MACROD2: variants seen among roughly 807,000 people sequenced by gnomAD.
The protein encoded by MACROD2 is mono-ADP ribosylhydrolase 2, also known as ADP-ribose glycohydrolase MACROD2.
A neutral mutation model predicts 70.4 loss-of-function variants in MACROD2; 36 were observed. That is an observed-to-expected ratio of 0.51 (90% CI 0.39 to 0.68). MACROD2 has a LOEUF of 0.68. MACROD2 is among the 30% of genes least tolerant of loss of function. The pLI, the probability that MACROD2 is intolerant of heterozygous loss-of-function variation, is 0.00. For missense variants in MACROD2, 496 were observed against 538.4 expected, an observed-to-expected ratio of 0.92 and a Z score of 0.78; for synonymous variants, 172 against 178.8, an observed-to-expected ratio of 0.96 and a Z score of 0.30.
chr20:15,993,160 A>T (rs1045675687), intron 15 of MACROD2, among the ~76,000 whole-genome samples: 8 of 152,100 alleles, frequency 5.3e-5, no homozygotes, highest in Non-Finnish European at 1.5e-5. Flanking sequence ...TACAAGTAAA[A>T]TATTTTATTT....
intron 13 of MACROD2, among the ~76,000 whole-genome samples, chr20:15,986,123 G>GGCCTGGT (rs1427610158): frequency 1.3e-5 from 2 of 152,204 alleles, no homozygotes; most frequent in African/African-American, 2.4e-5. Flanking sequence ...GGCAGGCCCA[G>GGCCTGGT]GCCTGGTTTC....
intron 8 of MACROD2, among the ~76,000 whole-genome samples, chr20:15,842,620 A>C (rs569608944): frequency 1.3e-5 from 2 of 152,072 alleles, no homozygotes; most frequent in South Asian, 4.2e-4. Flanking sequence ...CATCACAAAT[A>C]ATTTGTTTTA....
chr20:15,222,034 C>T (rs946952344), intron 5 of MACROD2, among the ~76,000 whole-genome samples: 1 of 152,050 alleles, frequency 6.6e-6, no homozygotes, highest in Admixed American at 6.6e-5. Context: ...CCCTTTGTAA[C>T]CAAGAACAGT....
In MACROD2 at chr20:15,148,248, G is replaced by C. The variant is rs184207051; in HGVS notation, c.419-81692G>C. ...ATTTTGTGGTAAGGGATGACATTGT[G>C]GGGGGTTGTTAGAAGAAACATTTGT... On this transcript the variant is annotated intron_variant, in intron 5 of 17. Coordinates refer to ENST00000684519, the MANE Select transcript of MACROD2 (RefSeq NM_001351661.2). 2.8e-3 allele frequency among the ~76,000 whole-genome samples: 423 copies of C among 151,974 alleles called. 1 individual carries two copies. Among genetic ancestry groups the C allele is most frequent in the Non-Finnish European group, 5.1e-3 (348 of 67,976 alleles).
chr20:15,887,163 G>A (rs546783734), intron 10 of MACROD2, among the ~76,000 whole-genome samples: 106 of 152,190 alleles, frequency 7.0e-4, no homozygotes, highest in African/African-American at 2.0e-3. Context: ...AGGTTTGATC[G>A]GTGTGGTCCT....
intron 3 of MACROD2, among the ~76,000 whole-genome samples, chr20:14,230,629 GTTTA>G (rs1250170416): frequency 2.9e-4 from 2 of 6,976 alleles, no homozygotes; most frequent in African/African-American, 4.0e-4. Flanking sequence ...TCTCATTCAT[GTTTA>G]TATATATATA....
intron 3 of MACROD2, among the ~76,000 whole-genome samples, chr20:14,328,712 A>C (rs1792479285): frequency 6.6e-6 from 1 of 151,972 alleles, no homozygotes; most frequent in Non-Finnish European, 1.5e-5. Flanking sequence ...TATTCAAGTA[A>C]TCCTATGGCG....
intron 7 of MACROD2, among the ~76,000 whole-genome samples, chr20:15,491,147 C>A (rs1057120173): frequency 3.9e-5 from 6 of 152,170 alleles, no homozygotes; most frequent in Non-Finnish European, 8.8e-5. Flanking sequence ...TTCAAGATTG[C>A]TGTCTTGTCT....
chr20:15,739,905 G>A (rs1383910303), intron 8 of MACROD2, among the ~76,000 whole-genome samples: 1 of 152,200 alleles, frequency 6.6e-6, no homozygotes, highest in Non-Finnish European at 1.5e-5. Context: ...GCATAATAAT[G>A]GCATTACATT....
intron 8 of MACROD2, among the ~76,000 whole-genome samples, chr20:15,517,207 C>T (rs937360155): frequency 2.0e-5 from 3 of 152,142 alleles, no homozygotes; most frequent in Non-Finnish European, 4.4e-5. Flanking sequence ...CTCCAGCCTC[C>T]TTGGCCTCTG....
At chr20:14,785,228 T>G (rs2072353947) in intron 5 of MACROD2, among the ~76,000 whole-genome samples, 1 of 151,862 alleles carries the variant, frequency 6.6e-6, no homozygotes, top group African/African-American at 2.4e-5. Context: ...AGCAATCATT[T>G]TAGGAGTCTG....
chr20:14,435,856 G>A lies in MACROD2; in HGVS notation c.272-57623G>A, dbSNP rs1359741450. On this transcript the variant is annotated intron_variant, in intron 3 of 17. Coordinates refer to ENST00000684519, the MANE Select transcript of MACROD2 (RefSeq NM_001351661.2). ...CAAGTAGCTGGGTCTACTGGTGCCC[G>A]CCACCACACCTGGCTAATTTTTGTA... Among the ~76,000 whole-genome samples the A allele has an allele frequency of 3.3e-5, 5 of 151,990 alleles. No individual in the cohort carries two copies. In the East Asian group the frequency reaches 5.8e-4, roughly 18 times the overall value.
chr20:15,239,396 G>A (rs932974788), intron 6 of MACROD2, among the ~76,000 whole-genome samples: 6 of 152,010 alleles, frequency 3.9e-5, no homozygotes, highest in Non-Finnish European at 8.8e-5. Context: ...TGGAAAACAT[G>A]TCACAGATTG....
chr20:14,218,156 T>C (rs1159063442), intron 3 of MACROD2, among the ~76,000 whole-genome samples: 4 of 152,200 alleles, frequency 2.6e-5, no homozygotes, highest in Non-Finnish European at 1.5e-5. Flanking sequence ...TCTCATTTCT[T>C]AGGTCTATTA....
intron 6 of MACROD2, among the ~76,000 whole-genome samples, chr20:15,267,943 A>C (rs2077311312): frequency 6.6e-6 from 1 of 152,072 alleles, no homozygotes; most frequent in Admixed American, 6.6e-5. Context: ...TGGCCCAATA[A>C]ATTCTGTTTT....
At chr20:14,290,280 A>G (rs1467962729) in intron 3 of MACROD2, among the ~76,000 whole-genome samples, 2 of 152,204 alleles carry the variant, frequency 1.3e-5, no homozygotes, top group African/African-American at 4.8e-5. Flanking sequence ...TGAAAGTTAA[A>G]AAAATTAAAA....
chr20:14,686,585 G>T (rs1332799516), intron 5 of MACROD2, among the ~76,000 whole-genome samples: 1 of 152,090 alleles, frequency 6.6e-6, no homozygotes, highest in Non-Finnish European at 1.5e-5. Flanking sequence ...TTACCATTGT[G>T]TTACAATTAT....
intron 8 of MACROD2, among the ~76,000 whole-genome samples, chr20:15,651,393 A>G (rs1345280040): frequency 1.3e-5 from 2 of 152,148 alleles, no homozygotes; most frequent in African/African-American, 4.8e-5. Context: ...ATTAATCGGG[A>G]ATGAGAGTAG....
Position 15,447,051 on chromosome 20 carries a change from C to CGTGTGTGTGTGTGT in MACROD2, c.571+15639_571+15652dup, listed in dbSNP as rs57914856. On this transcript the variant is annotated intron_variant, in intron 7 of 17. Transcript: ENST00000684519. ...GGCAGTACTGGGACCTAAGAGTGTG[C>CGTGTGTGTGTGTGT]GTGTGTGTGTGTGTGTGTGTGTGTG... is the stretch of plus-strand genomic sequence containing the variant. Among the ~76,000 whole-genome samples, 648 of 146,646 alleles carry CGTGTGTGTGTGTGT rather than the reference C, an allele frequency of 4.4e-3. 6 individuals are homozygous for CGTGTGTGTGTGTGT. Among genetic ancestry groups the CGTGTGTGTGTGTGT allele is most frequent in the African/African-American group, 0.016 (614 of 39,064 alleles).
Sources: allele counts gnomAD v4.1 joint callset (sites outside exome capture counted in the v4.1 genomes callset), GRCh38; gene constraint gnomAD v4.1.1; transcripts MANE v1.5; gene names NCBI Gene and HGNC (gene_info 2026-07-23, HGNC 2026-07-21).